Variants in NAV2 observed in about 807,000 individuals in gnomAD.
NAV2 encodes neuron navigator 2.
NAV2 carries 54 observed loss-of-function variants against 223.2 expected under a neutral mutation model. The observed-to-expected ratio is 0.24, with a 90% CI of 0.19 to 0.30. The LOEUF (loss-of-function observed/expected upper bound fraction) is 0.30, where lower values mean the gene tolerates loss of function less well. Among genes scored for constraint, NAV2 ranks in the 10% least tolerant of loss-of-function variants. The pLI, the probability that NAV2 is intolerant of heterozygous loss-of-function variation, is 1.00. For missense variants in NAV2, 2,806 were observed against 3,147.5 expected, an observed-to-expected ratio of 0.89 and a Z score of 2.60; for synonymous variants, 1,279 against 1,239.3, an observed-to-expected ratio of 1.03 and a Z score of -0.67.
chr11:19,705,781 G>A (rs575114180), intron 1 of NAV2, among the ~76,000 whole-genome samples: 2 of 152,192 alleles, frequency 1.3e-5, no homozygotes, highest in East Asian at 1.9e-4. Flanking sequence ...GAAAATAAAC[G>A]GGTTTTACTT....
At chr11:19,388,710 T>C (rs544011363) in intron 1 of NAV2, among the ~76,000 whole-genome samples, 2 of 152,264 alleles carry the variant, frequency 1.3e-5, no homozygotes, top group South Asian at 4.2e-4. Flanking sequence ...CTGGGCAAGA[T>C]AATATCTGTG....
chr11:19,387,099 G>A (rs1163177749), intron 1 of NAV2, among the ~76,000 whole-genome samples: 1 of 152,054 alleles, frequency 6.6e-6, no homozygotes, highest in East Asian at 1.9e-4. Flanking sequence ...CATTTGCTAA[G>A]TGTGCTCACA....
At chr11:19,964,485 T>C (rs1485316484) in intron 10 of NAV2, among the ~76,000 whole-genome samples, 1 of 117,418 alleles carries the variant, frequency 8.5e-6, no homozygotes, top group African/African-American at 3.8e-5. Context: ...TTATCTCTTT[T>C]CATCCTCTTT....
intron 1 of NAV2, among the ~76,000 whole-genome samples, chr11:19,527,937 G>GACACACACACAC (rs67561376): frequency 0.015 from 2,155 of 143,290 alleles, 29 homozygotes; most frequent in African/African-American, 0.024. Flanking sequence ...TCCCTGCCCT[G>GACACACACACAC]ACACACACAC....
At chr11:19,991,995 C>A (rs1344502002) in intron 11 of NAV2, among the ~76,000 whole-genome samples, 1 of 152,184 alleles carries the variant, frequency 6.6e-6, no homozygotes, top group Non-Finnish European at 1.5e-5. Flanking sequence ...ATTTTTCAGT[C>A]CTGCATTCAA....
rs1246952897 is a variant in NAV2, at chr11:20,049,137, G to A, written c.4312G>A (p.Asp1438Asn). ...SSTGLIASSK[D>N]DSLTPFVRTN... Reference sequence around the variant, plus strand: ...CACTGGCCTCATCGCCTCCTCCAAGGACGACTCCTTGACTCCCTTTGTCAG... The same window carrying A: ...CACTGGCCTCATCGCCTCCTCCAAGAACGACTCCTTGACTCCCTTTGTCAG... The change falls in exon 15 of 38, where the codon GAC (aspartate) becomes AAC (asparagine). Residue 1438 changes from aspartate (D) to asparagine (N), a missense_variant. Physicochemically the swap from Asp to Asn is conservative, Grantham distance 23. Around this residue, in one of 4 missense-constraint regions of NAV2, gnomAD observed 742 missense variants for 777.9 expected, o/e 0.95. Coordinates refer to ENST00000349880, the MANE Select transcript of NAV2 (RefSeq NM_145117.5). 1 of 1,613,450 alleles carries A rather than the reference G, an allele frequency of 6.2e-7. No homozygotes were observed. The highest frequency in any genetic ancestry group is 2.2e-5 in the East Asian group (1 of 44,870).
At chr11:19,752,430 AT>A (rs940142682) in intron 1 of NAV2, among the ~76,000 whole-genome samples, 57 of 152,344 alleles carry the variant, frequency 3.7e-4, no homozygotes, top group African/African-American at 1.4e-3. Flanking sequence ...CATTTCAAAA[AT>A]CTTATAGAAA....
intron 1 of NAV2, among the ~76,000 whole-genome samples, chr11:19,747,039 T>G: frequency 1.3e-5 from 1 of 78,220 alleles, no homozygotes; most frequent in Non-Finnish European, 2.6e-5. Context: ...TCTATCCCTC[T>G]CCCCTCCCCC....
chr11:19,989,036 T>A (rs1349641074), intron 11 of NAV2, among the ~76,000 whole-genome samples: 1 of 152,192 alleles, frequency 6.6e-6, no homozygotes, highest in African/African-American at 2.4e-5. Flanking sequence ...GAGAGCCACA[T>A]AAGAGAAGCA....
chr11:20,028,830 A>G (rs1264453461), intron 11 of NAV2, among the ~76,000 whole-genome samples: 5 of 152,182 alleles, frequency 3.3e-5, no homozygotes, highest in Non-Finnish European at 7.3e-5. Context: ...TTGGATAAAT[A>G]GCATGGTCTG....
chr11:19,566,811 C>T (rs1342631321), intron 1 of NAV2, among the ~76,000 whole-genome samples: 4 of 152,300 alleles, frequency 2.6e-5, no homozygotes, highest in Admixed American at 2.6e-4. Flanking sequence ...TCTAGAGGGG[C>T]ATGATAACTG....
At chr11:19,641,919 C>T (rs1031200748) in intron 1 of NAV2, among the ~76,000 whole-genome samples, 4 of 152,242 alleles carry the variant, frequency 2.6e-5, no homozygotes, top group Admixed American at 2.6e-4. Context: ...TCTCTGCCAT[C>T]CCTCCCATTT....
chr11:19,454,072 G>A (rs1851879430), intron 1 of NAV2, among the ~76,000 whole-genome samples: 2 of 152,152 alleles, frequency 1.3e-5, no homozygotes, highest in Admixed American at 1.3e-4. Context: ...ATGGTTACCG[G>A]GCTCTGAGTC....
chr11:19,924,212 C>T (rs1251800915), intron 6 of NAV2, among the ~76,000 whole-genome samples: 1 of 150,654 alleles, frequency 6.6e-6, no homozygotes, highest in East Asian at 2.0e-4. Context: ...TTCTTTATAA[C>T]ATTACGTGGG....
rs773345795 is a variant in NAV2 at position 19,934,155 on chromosome 11, T to C, written c.1911T>C (p.Thr637=). 2.0e-4 allele frequency: 327 copies of C among 1,613,692 alleles called. No homozygotes were observed. Among genetic ancestry groups the C allele is most frequent in the Non-Finnish European group, 2.7e-4 (320 of 1,179,944 alleles). ...TGAACCACAGCATCAGCAGCCAGAC[T>C]GTCAGTGGGTCTGTCGGGACCACCC... The part of the protein sequence containing the change: ...TTLNHSISSQ[T]VSGSVGTTQT... Residue 637 remains threonine, a synonymous_variant, in exon 7 of 38, where the codon ACT becomes ACC. Coordinates refer to ENST00000349880, the MANE Select transcript of NAV2 (RefSeq NM_145117.5).
At chr11:19,658,698 T>A (rs1394691733) in intron 1 of NAV2, among the ~76,000 whole-genome samples, 1 of 152,182 alleles carries the variant, frequency 6.6e-6, no homozygotes, top group Non-Finnish European at 1.5e-5. Context: ...AACTAATTGC[T>A]TGTGTCTCTT....
At chr11:19,925,458 G>A (rs549928821) in intron 6 of NAV2, among the ~76,000 whole-genome samples, 1 of 152,246 alleles carries the variant, frequency 6.6e-6, no homozygotes, top group Non-Finnish European at 1.5e-5. Context: ...ATGATATAAG[G>A]TAAGAATCCA....
In NAV2 at chr11:20,055,864, A is replaced by G. The variant is rs773452260; in HGVS notation, c.4738A>G (p.Thr1580Ala). 6 of 1,614,110 alleles carry G rather than the reference A, an allele frequency of 3.7e-6. No individual in the cohort carries two copies. The change falls in exon 19 of 38, where the codon ACT (threonine) becomes GCT (alanine). Residue 1580 changes from threonine to alanine, a missense_variant. By Grantham distance (58) the Thr-to-Ala change is moderately conservative (BLOSUM62 0). Coordinates refer to ENST00000349880, the MANE Select transcript of NAV2 (RefSeq NM_145117.5). ...TGCTGATGGGCAGTATGATCCATAC[A>G]CTGACAGCCGCTTCCGGAATAGCTC... Reference protein sequence around the residue: ...SNADGQYDPYTDSRFRNSSMS... With the variant: ...SNADGQYDPYADSRFRNSSMS...
intron 1 of NAV2, among the ~76,000 whole-genome samples, chr11:19,628,485 A>T (rs1439752029): frequency 1.3e-5 from 2 of 152,196 alleles, no homozygotes; most frequent in African/African-American, 4.8e-5. Context: ...CACACCCCGT[A>T]CACACATGGT....
Sources: allele counts gnomAD v4.1 joint callset (sites outside exome capture counted in the v4.1 genomes callset), GRCh38; gene constraint gnomAD v4.1.1; regional missense constraint gnomAD v4.1.1; transcripts MANE v1.5; gene names NCBI Gene and HGNC (gene_info 2026-07-23, HGNC 2026-07-21).